The following SHISA9 variants were observed in gnomAD, a reference collection of about 807,000 sequenced individuals.
SHISA9 encodes shisa family member 9.
Under a neutral mutation model 38.0 loss-of-function variants are expected in SHISA9, and 13 were observed. The ratio of observed to expected loss-of-function variants is 0.34; its 90% CI spans 0.22 to 0.54. The LOEUF is 0.54. Ranked by LOEUF, SHISA9 falls within the 20% of genes least tolerant of loss-of-function variation. SHISA9 has a pLI of 0.91. For synonymous variants in SHISA9, 275 were observed against 242.0 expected, an observed-to-expected ratio of 1.14 and a Z score of -1.27; for missense variants, 538 against 575.8, an observed-to-expected ratio of 0.93 and a Z score of 0.67.
downstream of SHISA9, among the ~76,000 whole-genome samples, chr16:13,240,743 T>G (rs780127686): frequency 1.3e-5 from 2 of 152,192 alleles, no homozygotes; most frequent in Non-Finnish European, 2.9e-5. Flanking sequence ...AACTTTAGTT[T>G]TGAACGCTGA....
At chr16:13,295,744 G>A in the SHISA9 span, among the ~76,000 whole-genome samples, 1,694 of 152,276 alleles carry the variant, frequency 0.011, 20 homozygotes, top group South Asian at 0.018. Flanking sequence ...CCCTAAGGAG[G>A]CAAGAGGATG....
chr16:13,197,398 A>C (rs2050957342), intron 2 of SHISA9, among the ~76,000 whole-genome samples: 1 of 152,162 alleles, frequency 6.6e-6, no homozygotes, highest in African/African-American at 2.4e-5. Context: ...GCATTCTCTC[A>C]GTATTTATAA....
At chr16:13,278,843 T>A in the SHISA9 span, among the ~76,000 whole-genome samples, 1 of 152,088 alleles carries the variant, frequency 6.6e-6, no homozygotes, top group African/African-American at 2.4e-5. Flanking sequence ...TCTATCAATT[T>A]TATTCATTTT....
chr16:13,015,693 A>G (rs1236275821), intron 2 of SHISA9, among the ~76,000 whole-genome samples: 3 of 152,074 alleles, frequency 2.0e-5, no homozygotes, highest in Non-Finnish European at 4.4e-5. Flanking sequence ...CTGTTACCCT[A>G]TGCGTAGATA....
At chr16:13,320,957 C>G in the SHISA9 span, among the ~76,000 whole-genome samples, 2 of 152,194 alleles carry the variant, frequency 1.3e-5, no homozygotes, top group Non-Finnish European at 2.9e-5. Context: ...TGCTGTAAAC[C>G]TTGTGTCTGC....
At chr16:13,122,122 G>A (rs1042369939) in intron 2 of SHISA9, among the ~76,000 whole-genome samples, 1 of 152,166 alleles carries the variant, frequency 6.6e-6, no homozygotes, top group South Asian at 2.1e-4. Context: ...CACATGCCTT[G>A]CCCATAGTAG....
chr16:13,122,450 C>T (rs139344570), intron 2 of SHISA9, among the ~76,000 whole-genome samples: 2 of 152,282 alleles, frequency 1.3e-5, no homozygotes, highest in Non-Finnish European at 2.9e-5. Flanking sequence ...AGGAAGGCAG[C>T]CAGGCTGTGA....
the SHISA9 span, among the ~76,000 whole-genome samples, chr16:13,466,580 T>G: frequency 0.015 from 2,333 of 152,254 alleles, 33 homozygotes; most frequent in African/African-American, 0.037. Context: ...TGTTGTTGTT[T>G]TTTTAAAAAA....
At chr16:13,321,921 C>A in the SHISA9 span, among the ~76,000 whole-genome samples, 1 of 152,148 alleles carries the variant, frequency 6.6e-6, no homozygotes, top group Non-Finnish European at 1.5e-5. Flanking sequence ...GATTTGTGAT[C>A]ATTAAACAAC....
the SHISA9 span, among the ~76,000 whole-genome samples, chr16:13,469,432 A>AG: frequency 1.5e-5 from 2 of 131,046 alleles, no homozygotes; most frequent in African/African-American, 5.7e-5. Flanking sequence ...AAAAAGAAAG[A>AG]AAGAGAAAGA....
At chr16:12,996,254 G>T (rs115109802) in intron 2 of SHISA9, among the ~76,000 whole-genome samples, 1 of 152,102 alleles carries the variant, frequency 6.6e-6, no homozygotes, top group Admixed American at 6.6e-5. Context: ...TTGAAAAACC[G>T]AGAGGCTTTA....
chr16:13,024,754 A>G (rs1453652112), intron 2 of SHISA9, among the ~76,000 whole-genome samples: 1 of 152,196 alleles, frequency 6.6e-6, no homozygotes, highest in Admixed American at 6.5e-5. Flanking sequence ...GAGCTTCCAC[A>G]TACGGCACTT....
At chr16:13,311,344 G>A in the SHISA9 span, among the ~76,000 whole-genome samples, 1 of 151,994 alleles carries the variant, frequency 6.6e-6, no homozygotes, top group Non-Finnish European at 1.5e-5. Flanking sequence ...ATAACTGGGT[G>A]TATTTACACT....
chr16:13,071,612 T>A (rs1339944203), intron 2 of SHISA9, among the ~76,000 whole-genome samples: 1 of 138,282 alleles, frequency 7.2e-6, no homozygotes, highest in African/African-American at 2.8e-5. Flanking sequence ...CTTTCTTCCC[T>A]TCCTTCCCTC....
the SHISA9 span, among the ~76,000 whole-genome samples, chr16:13,340,127 C>T: frequency 6.6e-6 from 1 of 152,148 alleles, no homozygotes; most frequent in African/African-American, 2.4e-5. Context: ...ATAATTGCTA[C>T]CTCTTGGGAC....
At chr16:13,377,165 G>C in the SHISA9 span, among the ~76,000 whole-genome samples, 1 of 152,204 alleles carries the variant, frequency 6.6e-6, no homozygotes, top group Non-Finnish European at 1.5e-5. Context: ...GCTTGCCTTG[G>C]ATGGTCAGAG....
At chr16:13,135,974 G>C (rs2050345140) in intron 2 of SHISA9, among the ~76,000 whole-genome samples, 1 of 152,190 alleles carries the variant, frequency 6.6e-6, no homozygotes, top group Admixed American at 6.5e-5. Flanking sequence ...TTGAAACTGA[G>C]AGTTCTGGGC....
intron 2 of SHISA9, among the ~76,000 whole-genome samples, chr16:13,068,948 CAT>C (rs751167468): frequency 6.6e-6 from 1 of 150,476 alleles, no homozygotes; most frequent in Non-Finnish European, 1.5e-5. Flanking sequence ...TGTATATGCG[CAT>C]ATGTGTACAT....
chr16:12,952,755 G>A (rs1190666391), intron 2 of SHISA9, among the ~76,000 whole-genome samples: 1 of 152,124 alleles, frequency 6.6e-6, no homozygotes, highest in Non-Finnish European at 1.5e-5. Flanking sequence ...CACCATGATT[G>A]TAAGTTTCCT....
Sources: gnomAD v4.1 joint callset for allele counts (sites outside exome capture counted in the v4.1 genomes callset) on GRCh38, gnomAD v4.1.1 for gene constraint, MANE v1.5 for transcripts, NCBI Gene and HGNC (gene_info 2026-07-23, HGNC 2026-07-21) for gene names.